Variants in CATSPERT observed in about 807,000 individuals in gnomAD.
The protein encoded by CATSPERT is cation channel sperm-associated targeting subunit tau.
chr2:201,590,470 G>A, the CATSPERT span, among the ~76,000 whole-genome samples: 32 of 152,092 alleles, frequency 2.1e-4, no homozygotes, highest in African/African-American at 7.7e-4. Context: ...CTTTATAGCA[G>A]CATGATTTAT....
chr2:201,562,348 C>T, the CATSPERT span, among the ~76,000 whole-genome samples: 3 of 151,434 alleles, frequency 2.0e-5, no homozygotes, highest in Admixed American at 6.6e-5. Flanking sequence ...CCACCACGCC[C>T]GGCTAATTTT....
chr2:201,578,935 C>A, the CATSPERT span, among the ~76,000 whole-genome samples: 1 of 152,034 alleles, frequency 6.6e-6, no homozygotes, highest in Non-Finnish European at 1.5e-5. Flanking sequence ...ATTCATTACT[C>A]CATATGTTTA....
chr2:201,575,694 G>A, the CATSPERT span, among the ~76,000 whole-genome samples: 1 of 152,160 alleles, frequency 6.6e-6, no homozygotes, highest in Non-Finnish European at 1.5e-5. Flanking sequence ...CCCCAGATGG[G>A]ACTGTCTAGT....
chr2:201,568,300 C>G, the CATSPERT span, among the ~76,000 whole-genome samples: 2 of 152,168 alleles, frequency 1.3e-5, no homozygotes, highest in Non-Finnish European at 2.9e-5. Context: ...ACGGACCAGT[C>G]TGCTATTTTG....
At chr2:201,589,294 C>G in the CATSPERT span, among the ~76,000 whole-genome samples, 1 of 152,102 alleles carries the variant, frequency 6.6e-6, no homozygotes, top group South Asian at 2.1e-4. Flanking sequence ...GCCCAAATAA[C>G]CAAAGCAATC....
chr2:201,508,992 T>C, the CATSPERT span, among the ~76,000 whole-genome samples: 1 of 143,284 alleles, frequency 7.0e-6, no homozygotes, highest in Non-Finnish European at 1.5e-5. Flanking sequence ...TTTAGATATA[T>C]ACCCAGAAAT....
chr2:201,617,627 C>T, the CATSPERT span, among the ~76,000 whole-genome samples: 7 of 152,160 alleles, frequency 4.6e-5, no homozygotes. Flanking sequence ...CTAGCCAATA[C>T]CATTCAGGAT....
At chr2:201,495,687 T>G in the CATSPERT span, among the ~76,000 whole-genome samples, 1 of 148,740 alleles carries the variant, frequency 6.7e-6, no homozygotes, top group South Asian at 2.1e-4. Context: ...TCCCCTTGGT[T>G]TTTTTTTTTT....
chr2:201,492,592 A>G, the CATSPERT span: 1 of 1,528,496 alleles, frequency 6.5e-7, no homozygotes, highest in Non-Finnish European at 8.8e-7. Flanking sequence ...TGTCTCATTA[A>G]ATAAACTGCT....
At chr2:201,506,396 T>C in the CATSPERT span, among the ~76,000 whole-genome samples, 1 of 152,212 alleles carries the variant, frequency 6.6e-6, no homozygotes, top group South Asian at 2.1e-4. Flanking sequence ...GCAAATTCTG[T>C]GTAGTATAAC....
the CATSPERT span, among the ~76,000 whole-genome samples, chr2:201,583,198 A>G: frequency 2.6e-5 from 4 of 152,222 alleles, no homozygotes; most frequent in Non-Finnish European, 5.9e-5. Context: ...CAGGTGACCT[A>G]AAACTGCAGT....
At chr2:201,517,863 A>C in the CATSPERT span, among the ~76,000 whole-genome samples, 1 of 152,236 alleles carries the variant, frequency 6.6e-6, no homozygotes, top group Non-Finnish European at 1.5e-5. Context: ...TAGAGTGTTC[A>C]CTTTTGAGAA....
chr2:201,487,641 G>A, the CATSPERT span: 116 of 1,604,856 alleles, frequency 7.2e-5, no homozygotes, highest in African/African-American at 6.6e-4. Context: ...TTTTTTGGCC[G>A]CATTTTATGC....
At chr2:201,554,540 T>C in the CATSPERT span, 9 of 152,176 alleles carry the variant, frequency 5.9e-5, no homozygotes, top group African/African-American at 2.2e-4. Flanking sequence ...CCTAAACTTT[T>C]CATTAGTTTT....
the CATSPERT span, among the ~76,000 whole-genome samples, chr2:201,548,649 G>T: frequency 6.6e-6 from 1 of 151,966 alleles, no homozygotes; most frequent in Admixed American, 6.6e-5. Flanking sequence ...AATTAACAAG[G>T]ATTAAATGGA....
At chr2:201,593,249 C>G in the CATSPERT span, among the ~76,000 whole-genome samples, 1 of 151,386 alleles carries the variant, frequency 6.6e-6, no homozygotes, top group Admixed American at 6.6e-5. Flanking sequence ...ACCCAGTAGT[C>G]ATTCAGGAGC....
the CATSPERT span, among the ~76,000 whole-genome samples, chr2:201,543,792 T>C: frequency 6.6e-6 from 1 of 152,174 alleles, no homozygotes. Context: ...GATCCTGCCA[T>C]CCGCAAACAA....
chr2:201,562,273 C>G, the CATSPERT span, among the ~76,000 whole-genome samples: 1 of 150,944 alleles, frequency 6.6e-6, no homozygotes, highest in African/African-American at 2.4e-5. Context: ...CTGAAACCTC[C>G]CCCTCTTGGG....
chr2:201,576,534 C>G, the CATSPERT span, among the ~76,000 whole-genome samples: 28 of 152,312 alleles, frequency 1.8e-4, no homozygotes, highest in African/African-American at 6.5e-4. Flanking sequence ...GTTCGTTAAC[C>G]TTTTCTCCTA....
Sources: gnomAD v4.1 joint callset for allele counts (sites outside exome capture counted in the v4.1 genomes callset) on GRCh38, gnomAD v4.1.1 for gene constraint, MANE v1.5 for transcripts, NCBI Gene and HGNC (gene_info 2026-07-23, HGNC 2026-07-21) for gene names.